MIS18A: variants seen among roughly 807,000 people sequenced by gnomAD.
MIS18A encodes MIS18 kinetochore protein A.
Under a neutral mutation model 25.0 loss-of-function variants are expected in MIS18A, and 14 were observed. The observed-to-expected ratio is 0.56, with a 90% confidence interval of 0.37 to 0.88. The LOEUF is 0.88. Ranked by LOEUF, MIS18A falls within the 40% of genes least tolerant of loss-of-function variation. The pLI is 0.00. For synonymous variants in MIS18A, 134 were observed against 118.6 expected (o/e 1.13, Z -0.84); for missense variants, 292 against 290.8 (o/e 1.00, Z -0.03).
At position 32,270,502 on chromosome 21, in the gene MIS18A, C is replaced by A. The variant is rs2031693909; in HGVS notation, c.429G>T (p.Gly143=). The A allele has an allele frequency of 6.2e-7, 1 of 1,600,432 alleles. No individual in the cohort carries two copies. The highest frequency in any genetic ancestry group is 8.5e-7 in the Non-Finnish European group (1 of 1,175,060). ...GCVLETLCCA[G]CSLNLGYVYR... ...ACACGTAGCCAAGATTGAGTGAGCA[C>A]CCCGCGCAGCACAAAGTCTCAAGGA... The change falls in exon 3 of 5, where the codon GGG becomes GGT. Residue 143 remains glycine (G), a synonymous_variant. Transcript: ENST00000290130.
At chr21:32,193,510 AGATAGATAGATG>A in the MIS18A span, among the ~76,000 whole-genome samples, 234 of 100,480 alleles carry the variant, frequency 2.3e-3, 1 homozygote, top group African/African-American at 7.4e-3. Context: ...ATAGATAGAT[AGATAGATAGATG>A]GATAGATCGA....
At chr21:32,160,545 T>C in the MIS18A span, among the ~76,000 whole-genome samples, 1 of 151,926 alleles carries the variant, frequency 6.6e-6, no homozygotes, top group Non-Finnish European at 1.5e-5. Context: ...GAGACATCAA[T>C]CAACATACAT....
the MIS18A span, among the ~76,000 whole-genome samples, chr21:32,187,938 AG>A: frequency 1.3e-5 from 2 of 152,046 alleles, no homozygotes; most frequent in Non-Finnish European, 2.9e-5. Context: ...TGAGGTCATG[AG>A]GGTCGGGCCC....
chr21:32,201,846 T>A, the MIS18A span, among the ~76,000 whole-genome samples: 16 of 151,996 alleles, frequency 1.1e-4, no homozygotes, highest in South Asian at 2.1e-4. Flanking sequence ...ACTAAAAAAA[T>A]TTTTTAAAAA....
At chr21:32,274,082 T>C (rs1294801732) in intron 2 of MIS18A, among the ~76,000 whole-genome samples, 1 of 152,034 alleles carries the variant, frequency 6.6e-6, no homozygotes, top group Admixed American at 6.6e-5. Flanking sequence ...CCCAATAGGC[T>C]GTGTGTGTGA....
the MIS18A span, among the ~76,000 whole-genome samples, chr21:32,226,713 AAG>A: frequency 3.3e-5 from 5 of 152,314 alleles, no homozygotes; most frequent in African/African-American, 1.2e-4. Context: ...GAAGATCAAC[AAG>A]AAAGTAGAAG....
At chr21:32,194,038 A>G in the MIS18A span, among the ~76,000 whole-genome samples, 2 of 152,148 alleles carry the variant, frequency 1.3e-5, no homozygotes, top group Non-Finnish European at 2.9e-5. Flanking sequence ...GGAAACCCCC[A>G]GCTGAGAGCC....
the MIS18A span, among the ~76,000 whole-genome samples, chr21:32,195,696 A>G: frequency 6.6e-6 from 1 of 152,128 alleles, no homozygotes; most frequent in Non-Finnish European, 1.5e-5. Context: ...GCTTAGAGGA[A>G]TGGAGGTGGG....
the MIS18A span, among the ~76,000 whole-genome samples, chr21:32,241,762 A>G: frequency 8.5e-5 from 13 of 152,194 alleles, no homozygotes; most frequent in African/African-American, 2.9e-4. Context: ...CACTATAAAG[A>G]GCACAATTAT....
the MIS18A span, among the ~76,000 whole-genome samples, chr21:32,245,656 G>A: frequency 0.011 from 1,668 of 152,280 alleles, 24 homozygotes; most frequent in African/African-American, 0.037. Flanking sequence ...CAAGCAGTGT[G>A]AGCCCACCCT....
the MIS18A span, among the ~76,000 whole-genome samples, chr21:32,202,812 T>C: frequency 1.3e-5 from 2 of 152,238 alleles, no homozygotes; most frequent in Admixed American, 6.5e-5. Flanking sequence ...AGAATTTTCT[T>C]CCTTTTAAGG....
chr21:32,241,254 T>C, the MIS18A span, among the ~76,000 whole-genome samples: 3 of 152,252 alleles, frequency 2.0e-5, no homozygotes, highest in South Asian at 6.2e-4. Context: ...GGTGTGGTTA[T>C]TACGAAAGTA....
the MIS18A span, among the ~76,000 whole-genome samples, chr21:32,199,993 G>A: frequency 1.3e-5 from 2 of 152,192 alleles, no homozygotes; most frequent in African/African-American, 4.8e-5. Context: ...GCAGCAAGGC[G>A]GGAATAGGGC....
chr21:32,214,008 G>A, the MIS18A span, among the ~76,000 whole-genome samples: 1 of 152,218 alleles, frequency 6.6e-6, no homozygotes, highest in Middle Eastern at 3.4e-3. Flanking sequence ...AGGGGGTATG[G>A]GAGGAAACAC....
chr21:32,235,462 C>T, the MIS18A span, among the ~76,000 whole-genome samples: 1 of 152,152 alleles, frequency 6.6e-6, no homozygotes, highest in African/African-American at 2.4e-5. Context: ...TTCAATAAAC[C>T]CAGTGCATCT....
chr21:32,273,744 CTTTA>C (rs965923460), intron 2 of MIS18A, among the ~76,000 whole-genome samples: 3 of 152,148 alleles, frequency 2.0e-5, no homozygotes, highest in East Asian at 1.9e-4. Flanking sequence ...TTGAAATATA[CTTTA>C]TTTGATAGGA....
At chr21:32,272,185 G>T (rs1317774210) in intron 2 of MIS18A, among the ~76,000 whole-genome samples, 1 of 152,190 alleles carries the variant, frequency 6.6e-6, no homozygotes, top group Non-Finnish European at 1.5e-5. Flanking sequence ...GCCAATAATC[G>T]TAAGGTGATG....
At chr21:32,189,504 C>T in the MIS18A span, among the ~76,000 whole-genome samples, 2 of 152,174 alleles carry the variant, frequency 1.3e-5, no homozygotes, top group South Asian at 2.1e-4. Context: ...GGCTCAAATT[C>T]GTGGGTTCAA....
downstream of MIS18A, among the ~76,000 whole-genome samples, chr21:32,266,237 C>T (rs1443879746): frequency 8.5e-5 from 13 of 152,276 alleles, no homozygotes; most frequent in Middle Eastern, 6.8e-3. Context: ...AACTCTGTAT[C>T]TAACTAATCT....
Sources: allele counts gnomAD v4.1 joint callset (sites outside exome capture counted in the v4.1 genomes callset), GRCh38; gene constraint gnomAD v4.1.1; transcripts MANE v1.5; gene names NCBI Gene and HGNC (gene_info 2026-07-23, HGNC 2026-07-21).